HEATR4: variants seen among roughly 807,000 people sequenced by gnomAD.
HEATR4 encodes the protein HEAT repeat containing 4.
Under a neutral mutation model 108.8 loss-of-function variants are expected in HEATR4, and 95 were observed. That is an observed-to-expected ratio of 0.87 (90% CI 0.74 to 1.04). HEATR4 has a LOEUF of 1.04. Among genes scored for constraint, HEATR4 ranks in the 50% least tolerant of loss-of-function variants. HEATR4 has a pLI of 0.00. For missense variants in HEATR4, 1,152 were observed against 1,253.8 expected (o/e 0.92, Z 1.23); for synonymous variants, 443 against 459.4 (o/e 0.96, Z 0.46).
At position 73,517,664 on chromosome 14, in the gene HEATR4, T is replaced by A. The variant is rs1453263540; in HGVS notation, c.1210+1359A>T. 2.3e-4 allele frequency among the ~76,000 whole-genome samples: 12 copies of A among 52,892 alleles called. 1 individual carries two copies. Among genetic ancestry groups the A allele is most frequent in the African/African-American group, 8.9e-4 (10 of 11,256 alleles). 34.7% of individuals were successfully genotyped at this position (52,892 alleles called of 152,430 possible). Reference sequence around the variant, plus strand: ...GCCTGGGAAACAGAGTGAGACCCTGTCAAAAAAAAAAAAAAAAGAAGAAGA... The same window carrying A: ...GCCTGGGAAACAGAGTGAGACCCTGACAAAAAAAAAAAAAAAAGAAGAAGA... On this transcript the variant is annotated intron_variant, in intron 5 of 17. Transcript: ENST00000553558.
At chr14:73,481,174 G>A (rs1211648117) in intron 17 of HEATR4, among the ~76,000 whole-genome samples, 1 of 151,886 alleles carries the variant, frequency 6.6e-6, no homozygotes, top group Non-Finnish European at 1.5e-5. Flanking sequence ...GAGGTTGGCT[G>A]ACGCCTGTAA....
chr14:73,554,446 T>G lies in HEATR4; in HGVS notation c.-152+4305A>C, dbSNP rs1332352856. The stretch of plus-strand genomic sequence containing the variant: ...TCGTTTAAAAAATATTTCCATCAAC[T>G]ATTTTTATTTGAAATAAATATTTGA... On this transcript the variant is annotated intron_variant, in intron 1 of 17. Coordinates refer to ENST00000553558, the MANE Select transcript of HEATR4 (RefSeq NM_001220484.1). Among the ~76,000 whole-genome samples the G allele has an allele frequency of 4.3e-5, 5 of 116,088 alleles. 1 individual carries two copies. Among genetic ancestry groups the G allele is most frequent in the Non-Finnish European group, 9.5e-5 (5 of 52,584 alleles). 76.2% of individuals were successfully genotyped at this position (116,088 alleles called of 152,430 possible). A position where few individuals can be genotyped will look rare whatever the true frequency, so the allele number is the denominator to read the frequency against.
At chr14:73,516,548 A>T (rs1284760343) in intron 5 of HEATR4, among the ~76,000 whole-genome samples, 2 of 151,014 alleles carry the variant, frequency 1.3e-5, no homozygotes, top group Non-Finnish European at 2.9e-5. Flanking sequence ...GCCAACTTTT[A>T]CTTTGGTTCC....
Position 73,522,527 on chromosome 14 carries a change from T to G in HEATR4, c.626A>C (p.Lys209Thr). 4 of 1,614,172 alleles carry G rather than the reference T, an allele frequency of 2.5e-6. No individual in the cohort carries two copies. The highest frequency in any genetic ancestry group is 2.5e-6 in the Non-Finnish European group (3 of 1,180,026). ...ARAWEATVLE[K>T]LNERTARWIQ... ...CCATCGGGCTGTGCGCTCGTTCAGC[T>G]TTTCCAGCACAGTGGCCTCCCACGC... The change falls in exon 3 of 18, where the codon AAG (lysine) becomes ACG (threonine). Residue 209 changes from lysine (K) to threonine (T), a missense_variant. Lys to Thr is a moderately conservative substitution (Grantham distance 78). Transcript: ENST00000553558.
At chr14:73,569,947 C>T in the HEATR4 span, 2 of 1,523,938 alleles carry the variant, frequency 1.3e-6, no homozygotes, top group Non-Finnish European at 8.8e-7. Context: ...CTCCCCCGCC[C>T]CACGCTTTTC....
chr14:73,605,734 C>A, the HEATR4 span, among the ~76,000 whole-genome samples: 4 of 151,782 alleles, frequency 2.6e-5, no homozygotes, highest in Non-Finnish European at 5.9e-5. Flanking sequence ...CCATGCCCAG[C>A]TAATTTTTGC....
At chr14:73,561,365 CA>C (rs1302217437), upstream of HEATR4, among the ~76,000 whole-genome samples, 2 of 137,492 alleles carry the variant, frequency 1.5e-5, no homozygotes, top group East Asian at 2.1e-4. Flanking sequence ...GAGTTTATCT[CA>C]AAAAAAAAGA....
Position 73,492,516 on chromosome 14 carries a change from A to C in HEATR4, c.2844+550T>G. 1 of 1,613,622 alleles carries C rather than the reference A, an allele frequency of 6.2e-7. No homozygotes were observed. Among genetic ancestry groups the C allele is most frequent in the Non-Finnish European group, 8.5e-7 (1 of 1,179,734 alleles). On this transcript the variant is annotated intron_variant, in intron 17 of 17. Coordinates refer to ENST00000553558, the MANE Select transcript of HEATR4 (RefSeq NM_001220484.1). This position sits in a 1 kb window ranked among gnomAD's most constrained non-coding sequence, Gnocchi z 4.9. ...GCTCCTGTTGATGCTGTGGCCGACC[A>C]GCGAGCCAAAGACTTCATTCACGAT...
chr14:73,527,654 T>C (rs543716483), intron 2 of HEATR4, among the ~76,000 whole-genome samples: 12 of 151,722 alleles, frequency 7.9e-5, no homozygotes, highest in Non-Finnish European at 1.6e-4. Context: ...GAAGAAAGAA[T>C]TGGTGAGCTT....
chr14:73,491,484 C>G, intron 17 of HEATR4: 9 of 1,498,990 alleles, frequency 6.0e-6, no homozygotes, highest in Non-Finnish European at 8.0e-6. Flanking sequence ...CAACACTTAG[C>G]GGCCGTCCAG....
chr14:73,485,542 A>G (rs903647853), intron 17 of HEATR4, among the ~76,000 whole-genome samples: 2 of 152,016 alleles, frequency 1.3e-5, no homozygotes, highest in South Asian at 2.1e-4. Flanking sequence ...AGCTGGGACC[A>G]CAGGTGTACA....
the HEATR4 span, among the ~76,000 whole-genome samples, chr14:73,590,497 CG>C: frequency 6.6e-6 from 1 of 152,222 alleles, no homozygotes; most frequent in Non-Finnish European, 1.5e-5. Context: ...AGCCCTTGGG[CG>C]GTCGATGGGA....
At position 73,502,765 on chromosome 14, in the gene HEATR4, T is replaced by C; in HGVS notation, c.2105+130A>G. ...GGTTTTACTGTGTTAGCCAGGATGG[T>C]CTCGATCTCCTGACCTCGTGATCCG... On this transcript the variant is annotated intron_variant, in intron 11 of 17. Coordinates refer to ENST00000553558, the MANE Select transcript of HEATR4 (RefSeq NM_001220484.1). 8 of 709,890 alleles carry C rather than the reference T, an allele frequency of 1.1e-5. No homozygotes were observed. In the South Asian group the frequency reaches 1.3e-4, roughly 11 times the overall value. 44.0% of individuals were successfully genotyped at this position (709,890 alleles called of 1,614,324 possible).
Position 73,497,084 on chromosome 14 carries a change from T to C in HEATR4, c.2547-405A>G, listed in dbSNP as rs1886151033. On this transcript the variant is annotated intron_variant, in intron 14 of 17. Transcript: ENST00000553558. ...CTAGTTTTTGTATTTTTAGTAGAGA[T>C]GGGGTTTCACCATGTTGGCCAGGCT... Among the ~76,000 whole-genome samples, 3 of 152,120 alleles carry C rather than the reference T, an allele frequency of 2.0e-5. No individual in the cohort carries two copies. The South Asian group carries it at 6.2e-4, about 32-fold the overall frequency.
At chr14:73,593,650 CA>C in the HEATR4 span, 2 of 1,515,106 alleles carry the variant, frequency 1.3e-6, no homozygotes, top group South Asian at 2.5e-5. Context: ...GCCAGGAAAG[CA>C]AATTCTTTAA....
chr14:73,623,972 C>T, the HEATR4 span, among the ~76,000 whole-genome samples: 1 of 152,142 alleles, frequency 6.6e-6, no homozygotes, highest in African/African-American at 2.4e-5. Flanking sequence ...CTTGTACAGC[C>T]TGCAGAACCG....
At chr14:73,512,557 A>G (rs1034967999) in intron 6 of HEATR4, among the ~76,000 whole-genome samples, 11 of 152,200 alleles carry the variant, frequency 7.2e-5, no homozygotes, top group African/African-American at 1.7e-4. Context: ...TATTTGTAAT[A>G]CAGGCATAAT....
At chr14:73,608,294 C>T in the HEATR4 span, among the ~76,000 whole-genome samples, 2 of 152,176 alleles carry the variant, frequency 1.3e-5, no homozygotes, top group African/African-American at 2.4e-5. Context: ...TCCTCTTGAA[C>T]GCTTTGCTGC....
At chr14:73,512,861 T>G (rs1887349532) in intron 6 of HEATR4, among the ~76,000 whole-genome samples, 1 of 152,188 alleles carries the variant, frequency 6.6e-6, no homozygotes, top group South Asian at 2.1e-4. Flanking sequence ...CCTAATGGAT[T>G]GCCTCTCTTT....
Sources: gnomAD v4.1 joint callset for allele counts (sites outside exome capture counted in the v4.1 genomes callset) on GRCh38, gnomAD v4.1.1 for gene constraint, Gnocchi (gnomAD v3.1) non-coding constraint, MANE v1.5 for transcripts, NCBI Gene and HGNC (gene_info 2026-07-23, HGNC 2026-07-21) for gene names.